The following LUC7L2 variants were observed in gnomAD, a reference collection of about 807,000 sequenced individuals.
The protein encoded by LUC7L2 is LUC7 like 2, pre-mRNA splicing factor.
In LUC7L2, 25 loss-of-function variants were observed where a neutral mutation model predicts 52.8. The observed-to-expected ratio is 0.47, with a 90% CI of 0.34 to 0.66. The LOEUF (loss-of-function observed/expected upper bound fraction) is 0.66, where lower values mean the gene tolerates loss of function less well. Ranked by LOEUF, LUC7L2 falls within the 30% of genes least tolerant of loss-of-function variation. The pLI is 0.01. For missense variants in LUC7L2, 328 were observed against 497.8 expected (o/e 0.66, Z 3.25); for synonymous variants, 144 against 160.9 (o/e 0.89, Z 0.80).
intron 8 of LUC7L2, among the ~76,000 whole-genome samples, chr7:139,415,054 GTTTTTTTTTT>G (rs1171809951): frequency 8.3e-4 from 45 of 54,188 alleles, no homozygotes; most frequent in African/African-American, 2.2e-3. Flanking sequence ...GCCCTGCTAA[GTTTTTTTTTT>G]TTTTTTTTTT....
At position 139,417,545 on chromosome 7, in the gene LUC7L2, T is replaced by C; in HGVS notation, c.817T>C (p.Ser273Pro). The C allele has an allele frequency of 6.2e-7, 1 of 1,613,652 alleles. No homozygotes were observed. The highest frequency in any genetic ancestry group is 8.5e-7 in the Non-Finnish European group (1 of 1,179,636). Residue 273 changes from serine (S) to proline (P), a missense_variant, in exon 9 of 10, where the codon TCC becomes CCC. Around this residue, in one of 2 missense-constraint regions of LUC7L2, gnomAD observed 195 missense variants for 223.3 expected, o/e 0.87. Transcript: ENST00000354926. ...TCAAATCTTGTCTGGTAGATCCAGG[T>C]CCAGAGAGCATCGCAGACATCGATC... is the stretch of plus-strand genomic sequence containing the variant. ...SHSKNPKRSR[S>P]REHRRHRSRS...
chr7:139,393,910 G>T (rs1032016599), intron 2 of LUC7L2, among the ~76,000 whole-genome samples: 1 of 152,092 alleles, frequency 6.6e-6, no homozygotes, highest in African/African-American at 2.4e-5. Flanking sequence ...AACCACTGAG[G>T]ATATTCCACA....
chr7:139,376,022 T>C (rs775497831), intron 1 of LUC7L2, 40 bp from the exon 2 acceptor site: 11 of 1,606,738 alleles, frequency 6.8e-6, no homozygotes, highest in Non-Finnish European at 9.4e-6. Context: ...TACTTTCCAG[T>C]TGTCTAACCT....
chr7:139,411,125 C>T (rs1795343824), intron 7 of LUC7L2, among the ~76,000 whole-genome samples: 1 of 152,100 alleles, frequency 6.6e-6, no homozygotes, highest in South Asian at 2.1e-4. Context: ...TAACATGGAA[C>T]AGAATTTCTT....
At chr7:139,400,383 C>A (rs181642537) in intron 3 of LUC7L2, among the ~76,000 whole-genome samples, 6 of 152,178 alleles carry the variant, frequency 3.9e-5, no homozygotes, top group Admixed American at 3.3e-4. Context: ...GTGGTGGGTG[C>A]CTGTAATCCC....
At chr7:139,372,389 A>G (rs1427352173) in intron 1 of LUC7L2, among the ~76,000 whole-genome samples, 1 of 152,186 alleles carries the variant, frequency 6.6e-6, no homozygotes, top group Non-Finnish European at 1.5e-5. Flanking sequence ...TGGTTTACTT[A>G]CTGTTCCCCC....
chr7:139,356,494 TAGTC>T (rs1414810465), upstream of LUC7L2, among the ~76,000 whole-genome samples: 1 of 151,468 alleles, frequency 6.6e-6, no homozygotes, highest in African/African-American at 2.4e-5. Context: ...GCAAACTTCA[TAGTC>T]AGGCTGGGCA....
chr7:139,418,785 G>A (rs1434261392), intron 9 of LUC7L2, among the ~76,000 whole-genome samples: 4 of 152,210 alleles, frequency 2.6e-5, no homozygotes, highest in East Asian at 3.9e-4. Context: ...TAAGAAAGAC[G>A]TATAACATAG....
intron 1 of LUC7L2, chr7:139,375,748 A>G (rs549013530): frequency 5.5e-5 from 21 of 382,496 alleles, no homozygotes; most frequent in African/African-American, 8.6e-5. Flanking sequence ...CATCTGCAAT[A>G]TGAAGGAGTT....
At chr7:139,375,492 C>G (rs541538232) in intron 1 of LUC7L2, 2 of 985,544 alleles carry the variant, frequency 2.0e-6, no homozygotes, top group South Asian at 4.7e-5. Flanking sequence ...TCTACCCTCT[C>G]TAACTCCTCC....
intron 1 of LUC7L2, among the ~76,000 whole-genome samples, chr7:139,343,852 T>C (rs999983732): frequency 1.3e-5 from 2 of 150,358 alleles, no homozygotes; most frequent in African/African-American, 5.0e-5. Context: ...GGAGGATCAC[T>C]TGAGCTGGGG....
chr7:139,359,023 G>T (rs74299967), upstream of LUC7L2: 25,316 of 152,184 alleles, frequency 0.17, 2,193 homozygotes, highest in Middle Eastern at 0.27. Context: ...AAACACCAGG[G>T]AAAGGCTCAG....
intron 1 of LUC7L2, among the ~76,000 whole-genome samples, chr7:139,343,793 G>A (rs1799119775): frequency 6.6e-6 from 1 of 151,900 alleles, no homozygotes; most frequent in African/African-American, 2.4e-5. Flanking sequence ...AAATTAGCCG[G>A]ATATGGTGGT....
chr7:139,412,216 T>TC lies in LUC7L2; in HGVS notation c.780-335_780-334insC, dbSNP rs574289365. ...CCCTAGGCAACAAAAAATGTAAAAATTAAAAAAAAAAAAAACAAAAACAAA... is the reference window on the plus strand; with the variant it reads ...CCCTAGGCAACAAAAAATGTAAAAATCTAAAAAAAAAAAAAACAAAAACAAA... On this transcript the variant is annotated intron_variant, in intron 7 of 9. Transcript: ENST00000354926. Among the ~76,000 whole-genome samples, 45 of 146,764 alleles carry TC rather than the reference T, an allele frequency of 3.1e-4. 1 individual carries two copies. The East Asian group carries it at 8.9e-3, about 29-fold the overall frequency.
At chr7:139,348,598 A>G (rs573572618) in intron 1 of LUC7L2, among the ~76,000 whole-genome samples, 1 of 151,948 alleles carries the variant, frequency 6.6e-6, no homozygotes, top group Non-Finnish European at 1.5e-5. Flanking sequence ...GTGTGCCTGT[A>G]GTCCCAGCTA....
chr7:139,378,071 G>C (rs1018361105), intron 2 of LUC7L2, among the ~76,000 whole-genome samples: 3 of 151,880 alleles, frequency 2.0e-5, no homozygotes, highest in African/African-American at 7.3e-5. Context: ...TCCTGCCTCA[G>C]CCTCCCAAAG....
intron 1 of LUC7L2, chr7:139,341,304 C>T (rs1798942714): frequency 6.5e-7 from 1 of 1,532,928 alleles, no homozygotes; most frequent in Non-Finnish European, 8.8e-7. Flanking sequence ...TCCGACCGTA[C>T]CATTAGGCGC....
chr7:139,369,499 G>A (rs543143273), intron 1 of LUC7L2, among the ~76,000 whole-genome samples: 2 of 152,180 alleles, frequency 1.3e-5, no homozygotes, highest in East Asian at 1.9e-4. Flanking sequence ...AATGAGAGAA[G>A]ATAGGTGCAG....
intron 8 of LUC7L2, among the ~76,000 whole-genome samples, chr7:139,415,752 T>C (rs1795568212): frequency 1.3e-5 from 2 of 151,748 alleles, no homozygotes; most frequent in African/African-American, 4.8e-5. Flanking sequence ...GTCCTCCCAT[T>C]GTGGCCTCCC....
Sources: allele counts gnomAD v4.1 joint callset (sites outside exome capture counted in the v4.1 genomes callset), GRCh38; gene constraint gnomAD v4.1.1; regional missense constraint gnomAD v4.1.1; transcripts MANE v1.5; gene names NCBI Gene and HGNC (gene_info 2026-07-23, HGNC 2026-07-21).